The following DGKK variants were observed in gnomAD, a reference collection of about 807,000 sequenced individuals.
The protein encoded by DGKK is diacylglycerol kinase kappa.
A neutral mutation model predicts 92.2 loss-of-function variants in DGKK; 35 were observed. The observed-to-expected ratio is 0.38, with a 90% CI of 0.29 to 0.50. DGKK has a LOEUF of 0.50. Among genes scored for constraint, DGKK ranks in the 20% least tolerant of loss-of-function variants. The probability of loss-of-function intolerance (pLI) is 0.92; values close to 1 mark genes in which losing one functional copy is unlikely to be tolerated. For missense variants in DGKK, 910 were observed against 992.2 expected, an observed-to-expected ratio of 0.92 and a Z score of 1.11; for synonymous variants, 368 against 360.6, an observed-to-expected ratio of 1.02 and a Z score of -0.23.
chrX:50,397,002 C>T (rs192865120), intron 8 of DGKK, among the ~76,000 whole-genome samples: 3 of 111,808 alleles, frequency 2.7e-5, no homozygotes, highest in African/African-American at 9.7e-5. Flanking sequence ...GAAAAGTGAC[C>T]TTGACAGGCT....
At chrX:50,444,652 C>T (rs1926245261) in intron 1 of DGKK, among the ~76,000 whole-genome samples, 1 of 110,983 alleles carries the variant, frequency 9.0e-6, no homozygotes, top group Admixed American at 9.6e-5. Flanking sequence ...CATAGTATTC[C>T]ATGGTATGTA....
At position 50,408,483 on chromosome X, in the gene DGKK, A is replaced by T. The variant is rs1925219190; in HGVS notation, c.943-4299T>A. Among the ~76,000 whole-genome samples, 4 of 110,563 alleles carry T rather than the reference A, an allele frequency of 3.6e-5. No individual in the cohort carries two copies. The South Asian group carries it at 1.6e-3, about 43-fold the overall frequency. On this transcript the variant is annotated intron_variant, in intron 4 of 27. Coordinates refer to ENST00000611977, the MANE Select transcript of DGKK (RefSeq NM_001013742.4). The stretch of plus-strand genomic sequence containing the variant: ...AAGCTCCGCCTCCCGGGTTCACGCC[A>T]TTCTCCTGCCTCAGCCTCCCTAGTA...
At chrX:50,437,194 C>G (rs1441608482) in intron 1 of DGKK, among the ~76,000 whole-genome samples, 1 of 111,743 alleles carries the variant, frequency 8.9e-6, no homozygotes, top group Non-Finnish European at 1.9e-5. Flanking sequence ...CAACTTCCCA[C>G]AGCTTGTTCA....
chrX:50,439,954 T>C (rs782512311), intron 1 of DGKK, among the ~76,000 whole-genome samples: 16 of 111,440 alleles, frequency 1.4e-4, no homozygotes, highest in African/African-American at 3.9e-4. Context: ...TATTGAAGCC[T>C]GGAAGAGAAA....
chrX:50,419,855 G>A (rs1557228940), intron 4 of DGKK, among the ~76,000 whole-genome samples: 1 of 111,845 alleles, frequency 8.9e-6, no homozygotes, highest in Non-Finnish European at 1.9e-5. Context: ...GCTTTGGAGA[G>A]GATACTTATT....
chrX:50,467,033 A>C (rs1557234023), intron 1 of DGKK, among the ~76,000 whole-genome samples: 1 of 111,774 alleles, frequency 8.9e-6, no homozygotes, highest in East Asian at 2.8e-4. Context: ...TGAATAAACA[A>C]AATTTTGTCT....
intron 4 of DGKK, among the ~76,000 whole-genome samples, chrX:50,409,083 T>G (rs1229083405): frequency 1.8e-5 from 2 of 111,456 alleles, no homozygotes; most frequent in African/African-American, 3.3e-5. Flanking sequence ...ACATATTACA[T>G]TTAAGATGAG....
intron 27 of DGKK, among the ~76,000 whole-genome samples, chrX:50,369,629 AC>A (rs1329893900): frequency 9.2e-6 from 1 of 108,703 alleles, no homozygotes; most frequent in Non-Finnish European, 1.9e-5. Flanking sequence ...TGGCATGATG[AC>A]AGCTCTCTGC....
At position 50,470,064 on chromosome X, in the gene DGKK, G is replaced by GGGCGAT. The variant is rs201010594; in HGVS notation, c.609_614dup (p.Ser204_Pro205dup). On this transcript the variant is annotated inframe_insertion, in exon 1 of 28. Coordinates refer to ENST00000611977, the MANE Select transcript of DGKK (RefSeq NM_001013742.4). ...TTCTGGACCACGACATTGGCGTTCT[G>GGGCGAT]GGCGATGGCGATGGCGATGGCGATG... is the stretch of plus-strand genomic sequence containing the variant. 7.9e-5 allele frequency: 96 copies of GGGCGAT among 1,207,689 alleles called. 1 individual carries two copies. Among genetic ancestry groups the GGGCGAT allele is most frequent in the Admixed American group, 5.9e-4 (27 of 45,751 alleles).
At chrX:50,440,919 G>T (rs1926156727) in intron 1 of DGKK, among the ~76,000 whole-genome samples, 1 of 111,928 alleles carries the variant, frequency 8.9e-6, no homozygotes, top group Non-Finnish European at 1.9e-5. Context: ...CATAGCTTAT[G>T]CTAATAAACT....
intron 1 of DGKK, among the ~76,000 whole-genome samples, chrX:50,462,873 C>T: frequency 2.8e-5 from 1 of 36,229 alleles, no homozygotes. Flanking sequence ...TTTTCTTTTC[C>T]TTTCCTTGCT....
chrX:50,390,529 G>T (rs782250911), intron 11 of DGKK, 120 bp from the exon 12 acceptor site: 10 of 595,429 alleles, frequency 1.7e-5, no homozygotes, highest in Admixed American at 8.0e-5. Flanking sequence ...TGGGTTGTAG[G>T]GGGTGTCCAA....
intron 1 of DGKK, among the ~76,000 whole-genome samples, chrX:50,462,521 C>T (rs1328172818): frequency 9.2e-6 from 1 of 108,181 alleles, no homozygotes; most frequent in Non-Finnish European, 1.9e-5. Flanking sequence ...GATTTCTTCC[C>T]TTTTCCTCAA....
chrX:50,448,683 G>A (rs1215550929), intron 1 of DGKK, among the ~76,000 whole-genome samples: 1 of 111,490 alleles, frequency 9.0e-6, no homozygotes, highest in African/African-American at 3.3e-5. Context: ...CTCACAATGA[G>A]CACTGGATGA....
intron 4 of DGKK, among the ~76,000 whole-genome samples, chrX:50,410,044 C>T (rs782588374): frequency 8.0e-5 from 9 of 112,047 alleles, no homozygotes; most frequent in African/African-American, 2.9e-4. Context: ...GCCACCTAGT[C>T]TGTGGAATTT....
At chrX:50,376,666 C>T in intron 23 of DGKK, 92 bp downstream of exon 23, 1 of 898,697 alleles carries the variant, frequency 1.1e-6, no homozygotes, top group East Asian at 3.4e-5. Flanking sequence ...TCTCTGAGGC[C>T]AGGCTCCCTA....
In DGKK at chrX:50,470,280, C is replaced by T. The variant is rs782553959; in HGVS notation, c.399G>A (p.Ser133=). 3.7e-5 allele frequency: 45 copies of T among 1,204,680 alleles called. No homozygotes were observed. The highest frequency in any genetic ancestry group is 4.7e-5 in the Non-Finnish European group (42 of 892,881). The change falls in exon 1 of 28, where the codon TCG becomes TCA. Residue 133 remains serine (S), a synonymous_variant. Transcript: ENST00000611977. ...TCAGCTCTGGGGCCGGCTCTGGGAC[C>T]GACTCTAGGGCAGGTTCTGGAGTCG... ...PEPTPEPALE[S]VPEPAPELTP... is the part of the protein sequence containing the mutation.
chrX:50,421,143 T>C (rs1602288439), intron 3 of DGKK, among the ~76,000 whole-genome samples: 1 of 111,639 alleles, frequency 9.0e-6, no homozygotes, highest in East Asian at 2.8e-4. Context: ...AAGAGAATTT[T>C]ACAGTTGTCT....
chrX:50,443,704 TTGTGTGTGTGTG>T (rs58486620), intron 1 of DGKK, among the ~76,000 whole-genome samples: 4 of 99,559 alleles, frequency 4.0e-5, no homozygotes, highest in Admixed American at 2.2e-4. Flanking sequence ...TGCACTCATT[TTGTGTGTGTGTG>T]TGTGTGTGTG....
Sources: gnomAD v4.1 joint callset for allele counts (sites outside exome capture counted in the v4.1 genomes callset) on GRCh38, gnomAD v4.1.1 for gene constraint, MANE v1.5 for transcripts, NCBI Gene and HGNC (gene_info 2026-07-23, HGNC 2026-07-21) for gene names.